The following PAK6 variants were observed in gnomAD, a reference collection of about 807,000 sequenced individuals.
PAK6 encodes the protein serine/threonine-protein kinase PAK 6.
In PAK6, 33 loss-of-function variants were observed where a neutral mutation model predicts 60.8. That is an observed-to-expected ratio of 0.54 (90% CI 0.41 to 0.73). PAK6 has a LOEUF of 0.73. PAK6 is among the 30% of genes least tolerant of loss of function. The probability of loss-of-function intolerance (pLI) is 0.00; values close to 1 mark genes in which losing one functional copy is unlikely to be tolerated. For missense variants in PAK6, 845 were observed against 904.1 expected (o/e 0.93, Z 0.84); for synonymous variants, 404 against 378.5 (o/e 1.07, Z -0.78).
intron 1 of PAK6, 187 bp from the exon 2 acceptor site, chr15:40,240,412 C>T: frequency 2.9e-6 from 1 of 343,384 alleles, no homozygotes; most frequent in Non-Finnish European, 5.7e-6. Context: ...GGGGAGGTCC[C>T]TTCTCCCCCA....
chr15:40,268,113 C>T (rs1277739655), intron 5 of PAK6, among the ~76,000 whole-genome samples: 3 of 152,152 alleles, frequency 2.0e-5, no homozygotes, highest in Non-Finnish European at 2.9e-5. Context: ...TGGGAGCAGG[C>T]GGTAGTTATC....
At position 40,271,648 on chromosome 15, in the gene PAK6, C is replaced by T. The variant is rs2039304725; in HGVS notation, c.859-576C>T. 2.0e-5 allele frequency among the ~76,000 whole-genome samples: 3 copies of T among 152,184 alleles called. No individual in the cohort carries two copies. In the South Asian group the frequency reaches 6.2e-4, roughly 31 times the overall value. On this transcript the variant is annotated intron_variant, in intron 5 of 10. Coordinates refer to ENST00000560346, the Ensembl canonical transcript of PAK6. ...CTGTCAGGGACATAACCTCCCAGCACAGATTTGCAAACTCCCTGCTGCAGG... is the reference window on the plus strand; with the variant it reads ...CTGTCAGGGACATAACCTCCCAGCATAGATTTGCAAACTCCCTGCTGCAGG...
chr15:40,263,324 G>A (rs146586716), intron 3 of PAK6, among the ~76,000 whole-genome samples: 46 of 152,276 alleles, frequency 3.0e-4, no homozygotes, highest in Non-Finnish European at 3.5e-4. Context: ...AGATACATAA[G>A]AACCCAGTGA....
chr15:40,268,839 T>C (rs78263552), intron 5 of PAK6, among the ~76,000 whole-genome samples: 1,898 of 152,322 alleles, frequency 0.012, 21 homozygotes, highest in Non-Finnish European at 0.021. Context: ...ACCTACCGTG[T>C]ACTCCGATAT....
At chr15:40,271,194 C>CAT (rs1595600519) in intron 5 of PAK6, among the ~76,000 whole-genome samples, 1 of 152,206 alleles carries the variant, frequency 6.6e-6, no homozygotes, top group Non-Finnish European at 1.5e-5. Context: ...GGTCATGGTG[C>CAT]ATATCACCGC....
intron 7 of PAK6, 77 bp from the exon 8 acceptor site, chr15:40,273,269 C>A: frequency 6.5e-7 from 1 of 1,540,232 alleles, no homozygotes; most frequent in Non-Finnish European, 8.8e-7. Flanking sequence ...ACCAGGGACT[C>A]CTACTCTGCT....
chr15:40,276,207 A>G (rs1431977746), exon 11 of PAK6: 2 of 1,069,456 alleles, frequency 1.9e-6, no homozygotes. Flanking sequence ...CAAAGATTGA[A>G]ATGTGAAGCC....
At chr15:40,267,722 C>T (rs2039185627) in intron 5 of PAK6, among the ~76,000 whole-genome samples, 1 of 152,120 alleles carries the variant, frequency 6.6e-6, no homozygotes, top group African/African-American at 2.4e-5. Flanking sequence ...GGTTAAAGGA[C>T]AGTGGGTTGG....
At chr15:40,263,057 C>T (rs2039025437) in intron 3 of PAK6, among the ~76,000 whole-genome samples, 1 of 152,232 alleles carries the variant, frequency 6.6e-6, no homozygotes, top group Non-Finnish European at 1.5e-5. Context: ...GACGTGGGCT[C>T]TGATTGAGTC....
At position 40,265,368 on chromosome 15, in the gene PAK6, C is replaced by T. The variant is rs934336929; in HGVS notation, c.204+379C>T. Among the ~76,000 whole-genome samples, 9 of 152,360 alleles carry T rather than the reference C, an allele frequency of 5.9e-5. 1 individual carries two copies. ...AGAATTTTAGTTGTGAGGGTCACGA[C>T]TAGTAGACCCAAGAGCCTGGTAGAA... On this transcript the variant is annotated intron_variant, in intron 4 of 10. Coordinates refer to ENST00000560346, the Ensembl canonical transcript of PAK6.
chr15:40,270,587 T>C (rs1037658710), intron 5 of PAK6, among the ~76,000 whole-genome samples: 4 of 152,218 alleles, frequency 2.6e-5, no homozygotes, highest in African/African-American at 7.2e-5. Context: ...GGGGTCCCAC[T>C]GCTCCACTAC....
At chr15:40,263,747 C>T (rs764265702) in intron 3 of PAK6, 10 of 365,924 alleles carry the variant, frequency 2.7e-5, no homozygotes, top group East Asian at 1.5e-4. Flanking sequence ...CATGGGTATC[C>T]GGGACTACAG....
chr15:40,273,255 T>C, intron 7 of PAK6, 91 bp from the exon 8 acceptor site: 1 of 1,466,350 alleles, frequency 6.8e-7, no homozygotes, highest in Non-Finnish European at 9.3e-7. Flanking sequence ...CTGTGGGGCC[T>C]AGCACCAGGG....
chr15:40,275,155 T>G (rs1374845531), intron 10 of PAK6, among the ~76,000 whole-genome samples: 1 of 152,122 alleles, frequency 6.6e-6, no homozygotes, highest in Non-Finnish European at 1.5e-5. Context: ...TGAACCAAGA[T>G]AAGCCCTTGC....
At chr15:40,267,097 C>T (rs2039162525) in intron 5 of PAK6, 1 of 152,388 alleles carries the variant, frequency 6.6e-6, no homozygotes, top group Admixed American at 6.5e-5. Flanking sequence ...GCTCATGACT[C>T]TTGCGTATGA....
intron 3 of PAK6, among the ~76,000 whole-genome samples, chr15:40,262,008 C>T (rs936300422): frequency 1.4e-5 from 2 of 144,086 alleles, no homozygotes; most frequent in South Asian, 4.8e-4. Context: ...AAAAGCTGAG[C>T]GCTTGGGTGG....
intron 9 of PAK6, chr15:40,273,939 G>A: frequency 1.5e-6 from 1 of 682,276 alleles, no homozygotes; most frequent in Non-Finnish European, 2.5e-6. Flanking sequence ...TTCTCTGAGT[G>A]ACTGACAGCT....
chr15:40,260,529 CTAAAT>C (rs1372461761), intron 3 of PAK6, among the ~76,000 whole-genome samples: 1 of 152,170 alleles, frequency 6.6e-6, no homozygotes, highest in African/African-American at 2.4e-5. Context: ...CAATTCCATA[CTAAAT>C]TAATTATTGT....
At chr15:40,263,707 T>C (rs1375010100) in intron 3 of PAK6, 2 of 327,858 alleles carry the variant, frequency 6.1e-6, no homozygotes, top group Non-Finnish European at 1.2e-5. Flanking sequence ...CTCAGCCTCC[T>C]GGGTTCAAGC....
Sources: allele counts gnomAD v4.1 joint callset (sites outside exome capture counted in the v4.1 genomes callset), GRCh38; gene constraint gnomAD v4.1.1; transcripts MANE v1.5; gene names NCBI Gene and HGNC (gene_info 2026-07-23, HGNC 2026-07-21).